The following USP39 variants were observed in gnomAD, a reference collection of about 807,000 sequenced individuals.
USP39 encodes ubiquitin carboxyl-terminal hydrolase 39.
Under a neutral mutation model 66.4 loss-of-function variants are expected in USP39, and 38 were observed. The ratio of observed to expected loss-of-function variants is 0.57; its 90% CI spans 0.44 to 0.75. USP39 has a LOEUF of 0.75. Among genes scored for constraint, USP39 ranks in the 30% least tolerant of loss-of-function variants. The pLI is 0.00. For synonymous variants in USP39, 303 were observed against 274.6 expected (o/e 1.10, Z -1.02); for missense variants, 608 against 714.4 (o/e 0.85, Z 1.70).
upstream of USP39, chr2:85,608,317 C>T (rs779430615): frequency 6.6e-6 from 1 of 152,168 alleles, no homozygotes; most frequent in Non-Finnish European, 1.5e-5. Flanking sequence ...TGGAGGTCTC[C>T]CACTTTATTG....
chr2:85,623,510 A>G, intron 3 of USP39, 136 bp from the exon 4 acceptor site: 1 of 1,281,764 alleles, frequency 7.8e-7, no homozygotes, highest in East Asian at 2.7e-5. Flanking sequence ...TGGAGGATTC[A>G]TTTTATGAAT....
At chr2:85,635,941 A>G in intron 6 of USP39, 112 bp from the exon 7 acceptor site, 1 of 969,354 alleles carries the variant, frequency 1.0e-6, no homozygotes, top group Admixed American at 1.7e-5. Context: ...TTGGGATGGG[A>G]TGGCATGGCC....
upstream of USP39, chr2:85,611,712 C>T: frequency 6.3e-7 from 1 of 1,594,504 alleles, no homozygotes; most frequent in Non-Finnish European, 8.5e-7. Flanking sequence ...CTTGCGGGGC[C>T]GCGTCGGCGC....
At chr2:85,627,443 A>G (rs187548764) in intron 5 of USP39, among the ~76,000 whole-genome samples, 4 of 152,022 alleles carry the variant, frequency 2.6e-5, no homozygotes, top group African/African-American at 9.6e-5. Context: ...ATCCTACTTC[A>G]CCAAGAAAAT....
At chr2:85,641,925 AAAAAGAAAG>A (rs1253809451) in intron 10 of USP39, among the ~76,000 whole-genome samples, 2 of 134,966 alleles carry the variant, frequency 1.5e-5, no homozygotes, top group African/African-American at 5.4e-5. Context: ...AAAAAAAAAA[AAAAAGAAAG>A]AAAGAAAGAA....
intron 2 of USP39, among the ~76,000 whole-genome samples, chr2:85,620,150 G>A (rs1293221215): frequency 4.0e-5 from 6 of 148,792 alleles, no homozygotes; most frequent in African/African-American, 7.3e-5. Flanking sequence ...GAGCCACCAC[G>A]CCCAGCCAAC....
intron 8 of USP39, among the ~76,000 whole-genome samples, chr2:85,638,910 C>T (rs1676011755): frequency 6.6e-6 from 1 of 151,736 alleles, no homozygotes; most frequent in South Asian, 2.1e-4. Flanking sequence ...TGGACTCAAG[C>T]AGTCCTCTCA....
At chr2:85,608,740 A>G (rs1573372139), upstream of USP39, 1 of 404,682 alleles carries the variant, frequency 2.5e-6, no homozygotes. Context: ...GAATTCCAGA[A>G]TATCAGGCTG....
upstream of USP39, chr2:85,609,289 C>G (rs1673351605): frequency 7.6e-7 from 1 of 1,319,564 alleles, no homozygotes; most frequent in Non-Finnish European, 1.0e-6. Context: ...GAGTTGTGCT[C>G]AAAAGCACTG....
intron 3 of USP39, 101 bp from the exon 4 acceptor site, chr2:85,623,545 T>A (rs1674620568): frequency 7.6e-6 from 11 of 1,438,046 alleles, no homozygotes; most frequent in Non-Finnish European, 8.3e-6. Context: ...TTTTTGCGGA[T>A]ATTAACATGT....
Position 85,644,925 on chromosome 2 carries a change from G to A in USP39, c.1428-23G>A, listed in dbSNP as rs755711937. On this transcript the variant is annotated intron_variant, in intron 10 of 12. Transcript: ENST00000323701. ...CTCACAGCCTTTGTCTGATTATTCC[G>A]GCTTTATTTTAACCATTAACAGAAA... 11 of 1,613,300 alleles carry A rather than the reference G, an allele frequency of 6.8e-6. No individual in the cohort carries two copies. The South Asian group carries it at 7.7e-5, about 11-fold the overall frequency.
intron 9 of USP39, 142 bp from the exon 10 acceptor site, chr2:85,640,834 A>C (rs1676178591): frequency 1.6e-6 from 1 of 639,372 alleles, no homozygotes; most frequent in Non-Finnish European, 2.5e-6. Context: ...AGCCTCATAC[A>C]TAATTTCTCG....
intron 2 of USP39, 87 bp from the exon 3 acceptor site, chr2:85,621,398 A>G (rs774924955): frequency 1.0e-4 from 112 of 1,100,846 alleles, no homozygotes; most frequent in Non-Finnish European, 1.4e-4. Flanking sequence ...GTTATGTGGT[A>G]TCATGGGTCA....
At chr2:85,634,991 T>TA (rs1485468986) in intron 6 of USP39, among the ~76,000 whole-genome samples, 2 of 152,318 alleles carry the variant, frequency 1.3e-5, no homozygotes, top group Middle Eastern at 3.4e-3. Flanking sequence ...CTAGGATAGT[T>TA]ATGATGTCAC....
At chr2:85,643,057 C>T (rs1377198082) in intron 10 of USP39, among the ~76,000 whole-genome samples, 1 of 148,696 alleles carries the variant, frequency 6.7e-6, no homozygotes, top group Non-Finnish European at 1.5e-5. Context: ...GACAACATAG[C>T]AAGACCTTGT....
intron 11 of USP39, among the ~76,000 whole-genome samples, chr2:85,647,266 T>C (rs1676713471): frequency 6.6e-6 from 1 of 152,220 alleles, no homozygotes; most frequent in Non-Finnish European, 1.5e-5. Flanking sequence ...CTGTCATTTC[T>C]GAGCAGGAAG....
chr2:85,602,914 C>T lies in USP39; in HGVS notation n.59C>T, dbSNP rs556741671. On this transcript the variant is annotated non_coding_transcript_exon_variant, in exon 1 of 13. Coordinates refer to the USP39 transcript ENST00000459775. The surrounding 1 kb of genome is among the most constrained non-coding windows in gnomAD (Gnocchi z 5.6). ...TGTGGCGTGAAGACCGCTCTAAAAC[C>T]GAGATGACTAGAGGTTCCGTTTAAC... The T allele has an allele frequency of 1.3e-4, 20 of 152,426 alleles. No homozygotes were observed. The highest frequency in any genetic ancestry group is 4.8e-4 in the African/African-American group (20 of 41,578). The allele number at this position is 152,426 out of a possible 1,614,324, so 9.4% of individuals were successfully genotyped here.
intron 10 of USP39, among the ~76,000 whole-genome samples, chr2:85,643,648 CTTTTT>C (rs34391423): frequency 7.2e-6 from 1 of 139,406 alleles, no homozygotes. Flanking sequence ...CTCATATCTC[CTTTTT>C]TTTTTTTTTT....
intron 5 of USP39, among the ~76,000 whole-genome samples, chr2:85,626,022 A>G (rs999175895): frequency 7.3e-5 from 11 of 151,496 alleles, no homozygotes; most frequent in African/African-American, 2.7e-4. Context: ...TTTCAAGAAA[A>G]AAAAAAGAGA....
Sources: gnomAD v4.1 joint callset for allele counts (sites outside exome capture counted in the v4.1 genomes callset) on GRCh38, gnomAD v4.1.1 for gene constraint, Gnocchi (gnomAD v3.1) non-coding constraint, MANE v1.5 for transcripts, NCBI Gene and HGNC (gene_info 2026-07-23, HGNC 2026-07-21) for gene names.